MIX23: variants seen among roughly 807,000 people sequenced by gnomAD.
MIX23 encodes the protein mitochondrial matrix import factor 23, also known as protein MIX23.
In MIX23, 13 loss-of-function variants were observed where a neutral mutation model predicts 21.6. That is an observed-to-expected ratio of 0.60 (90% CI 0.39 to 0.96). The LOEUF is 0.96. Ranked by LOEUF, MIX23 falls within the 40% of genes least tolerant of loss-of-function variation. The pLI, the probability that MIX23 is intolerant of heterozygous loss-of-function variation, is 0.00. For missense variants in MIX23, 144 were observed against 171.2 expected, an observed-to-expected ratio of 0.84 and a Z score of 0.89; for synonymous variants, 59 against 58.0, an observed-to-expected ratio of 1.02 and a Z score of -0.08.
chr3:122,367,544 A>G (rs2075406090), intron 3 of MIX23, among the ~76,000 whole-genome samples: 1 of 152,226 alleles, frequency 6.6e-6, no homozygotes, highest in Non-Finnish European at 1.5e-5. Flanking sequence ...CTATTTTCTT[A>G]AAAGTAAAAA....
intron 3 of MIX23, among the ~76,000 whole-genome samples, chr3:122,364,864 A>C (rs1049962587): frequency 3.3e-5 from 5 of 152,208 alleles, no homozygotes; most frequent in African/African-American, 1.2e-4. Flanking sequence ...AGAAATAAGA[A>C]GTTATTAGGT....
chr3:122,375,211 T>C (rs890141390), intron 1 of MIX23, among the ~76,000 whole-genome samples: 1 of 152,126 alleles, frequency 6.6e-6, no homozygotes, highest in African/African-American at 2.4e-5. Context: ...ATTTTGAAGA[T>C]AGAGCTAACA....
At position 122,360,228 on chromosome 3, in the gene MIX23, T is replaced by C. The variant is rs540218699; in HGVS notation, c.385-309A>G. Among the ~76,000 whole-genome samples the C allele has an allele frequency of 9.2e-5, 14 of 152,332 alleles. No individual in the cohort carries two copies. The East Asian group carries it at 2.7e-3, about 29-fold the overall frequency. ...ACATTTCAATTTCATATTCTGGACA[T>C]TTTTTAAACAACAACACAAAAATAT... On this transcript the variant is annotated intron_variant, in intron 4 of 4. Coordinates refer to ENST00000291458, the MANE Select transcript of MIX23 (RefSeq NM_001017928.4).
Position 122,359,936 on chromosome 3 carries a change from G to GA in MIX23, c.385-18dup. ...ATTAAACACCTAAAATATTGAAACA[G>GA]AAACAAAAGTCATTGAGTTATCCTG... On this transcript the variant is annotated splice_polypyrimidine_tract_variant and intron_variant, in intron 4 of 4. Coordinates refer to ENST00000291458, the MANE Select transcript of MIX23 (RefSeq NM_001017928.4). 1 of 1,538,538 alleles carries GA rather than the reference G, an allele frequency of 6.5e-7. No individual in the cohort carries two copies. Among genetic ancestry groups the GA allele is most frequent in the Non-Finnish European group, 8.7e-7 (1 of 1,144,316 alleles).
chr3:122,366,952 A>C (rs2075401304), intron 3 of MIX23, among the ~76,000 whole-genome samples: 1 of 152,190 alleles, frequency 6.6e-6, no homozygotes, highest in Admixed American at 6.5e-5. Flanking sequence ...AACAAAAAAA[A>C]AACCATGATT....
At chr3:122,376,570 G>A (rs2075488636) in intron 1 of MIX23, among the ~76,000 whole-genome samples, 1 of 152,138 alleles carries the variant, frequency 6.6e-6, no homozygotes, top group Non-Finnish European at 1.5e-5. Context: ...AGTGAACCAA[G>A]ATTGCACCAT....
At chr3:122,373,877 ATCTT>A (rs977273750) in intron 1 of MIX23, among the ~76,000 whole-genome samples, 31 of 152,284 alleles carry the variant, frequency 2.0e-4, no homozygotes, top group African/African-American at 6.7e-4. Flanking sequence ...CTCGTCCTGT[ATCTT>A]TCTATTTTTT....
chr3:122,374,231 TGGTTATGAAA>T (rs2107684311), intron 1 of MIX23, among the ~76,000 whole-genome samples: 1 of 152,184 alleles, frequency 6.6e-6, no homozygotes, highest in East Asian at 1.9e-4. Context: ...GAGGTTTCCT[TGGTTATGAAA>T]GCCCTCAGCA....
chr3:122,363,147 C>G (rs1050954863), intron 3 of MIX23, 120 bp from the exon 4 acceptor site: 1 of 746,118 alleles, frequency 1.3e-6, no homozygotes, highest in African/African-American at 1.8e-5. Flanking sequence ...TGCTACTGCT[C>G]TAGTATTTTT....
chr3:122,371,848 G>A (rs369195523), intron 1 of MIX23, 48 bp from the exon 2 acceptor site: 23 of 1,468,294 alleles, frequency 1.6e-5, no homozygotes, highest in Non-Finnish European at 2.1e-5. Context: ...GAAAGTTAGT[G>A]ACAAAAAATA....
intron 1 of MIX23, among the ~76,000 whole-genome samples, chr3:122,378,542 T>A (rs143546804): frequency 1.7e-4 from 26 of 152,334 alleles, no homozygotes; most frequent in African/African-American, 6.3e-4. Flanking sequence ...CTTACACACT[T>A]AGGCTATATA....
At chr3:122,371,041 T>C (rs745538656) in intron 2 of MIX23, among the ~76,000 whole-genome samples, 1 of 152,218 alleles carries the variant, frequency 6.6e-6, no homozygotes, top group South Asian at 2.1e-4. Flanking sequence ...ATTTGAACTT[T>C]AGCTTCCAAA....
chr3:122,359,779 C>A lies in MIX23; in HGVS notation c.*90G>T. On this transcript the variant is annotated 3_prime_UTR_variant, in exon 5 of 5. Coordinates refer to ENST00000291458, the MANE Select transcript of MIX23 (RefSeq NM_001017928.4). ...TGGCTCAGAAATCATCCTAGAAAGC[C>A]CGCCCTGTTGATATCTGTCATGCTT... 2 of 1,319,260 alleles carry A rather than the reference C, an allele frequency of 1.5e-6. No homozygotes were observed. Among genetic ancestry groups the A allele is most frequent in the Admixed American group, 3.5e-5 (1 of 28,926 alleles). 81.7% of individuals were successfully genotyped at this position (1,319,260 alleles called of 1,614,324 possible).
At chr3:122,370,063 T>C (rs1386747879) in intron 2 of MIX23, among the ~76,000 whole-genome samples, 3 of 152,314 alleles carry the variant, frequency 2.0e-5, no homozygotes, top group East Asian at 1.9e-4. Context: ...AATATTTGTA[T>C]ACAAAACACT....
chr3:122,368,363 T>G (rs773176704), intron 2 of MIX23, 41 bp from the exon 3 acceptor site: 5 of 1,527,050 alleles, frequency 3.3e-6, no homozygotes, highest in Non-Finnish European at 4.4e-6. Context: ...AAAAACTGCA[T>G]AAATTTATCA....
At chr3:122,368,096 A>T (rs1239606877) in intron 3 of MIX23, 80 bp downstream of exon 3, 4 of 1,401,552 alleles carry the variant, frequency 2.9e-6, no homozygotes, top group Non-Finnish European at 4.0e-6. Context: ...ATATGCCAAA[A>T]TTTTCATATT....
intron 1 of MIX23, chr3:122,373,151 G>A (rs1045500460): frequency 3.4e-6 from 1 of 292,586 alleles, no homozygotes; most frequent in Non-Finnish European, 6.6e-6. Context: ...ATGTCCCTTT[G>A]GTCTTTTTTC....
At chr3:122,382,000 C>T (rs1293545416) in intron 1 of MIX23, among the ~76,000 whole-genome samples, 5 of 152,152 alleles carry the variant, frequency 3.3e-5, no homozygotes, top group African/African-American at 1.2e-4. Context: ...GTTTAAGCCA[C>T]CTAGTCTGTG....
chr3:122,382,208 C>T (rs1380961135), intron 1 of MIX23, among the ~76,000 whole-genome samples: 1 of 152,114 alleles, frequency 6.6e-6, no homozygotes, highest in Non-Finnish European at 1.5e-5. Context: ...ATTTTAAACA[C>T]TTTAGGCCGG....
Sources: allele counts gnomAD v4.1 joint callset (sites outside exome capture counted in the v4.1 genomes callset), GRCh38; gene constraint gnomAD v4.1.1; transcripts MANE v1.5; gene names NCBI Gene and HGNC (gene_info 2026-07-23, HGNC 2026-07-21).